MOB3B: variants seen among roughly 807,000 people sequenced by gnomAD.
MOB3B encodes the protein MOB kinase activator-like 2B.
MOB3B carries 7 observed loss-of-function variants against 18.7 expected under a neutral mutation model. That is an observed-to-expected ratio of 0.37 (90% CI 0.21 to 0.70). MOB3B has a LOEUF of 0.70. Among genes scored for constraint, MOB3B ranks in the 30% least tolerant of loss-of-function variants. The pLI, the probability that MOB3B is intolerant of heterozygous loss-of-function variation, is 0.52. For synonymous variants in MOB3B, 111 were observed against 99.9 expected (o/e 1.11, Z -0.66); for missense variants, 253 against 281.3 (o/e 0.90, Z 0.72).
At chr9:27,368,649 T>A (rs1306220205) in intron 2 of MOB3B, among the ~76,000 whole-genome samples, 2 of 152,134 alleles carry the variant, frequency 1.3e-5, no homozygotes, top group African/African-American at 2.4e-5. Flanking sequence ...GTTTTCCAAC[T>A]CCCTCCCTCT....
At chr9:27,511,561 A>T (rs1343494259) in intron 1 of MOB3B, among the ~76,000 whole-genome samples, 1 of 152,246 alleles carries the variant, frequency 6.6e-6, no homozygotes, top group Non-Finnish European at 1.5e-5. Context: ...CATCCTACCA[A>T]ATAGATTTCT....
intron 2 of MOB3B, among the ~76,000 whole-genome samples, chr9:27,373,564 C>T (rs1212782784): frequency 6.6e-6 from 1 of 152,182 alleles, no homozygotes; most frequent in East Asian, 1.9e-4. Context: ...TCTATTTTCC[C>T]ACTTTCTTCC....
At chr9:27,510,946 T>A (rs1410492162) in intron 1 of MOB3B, among the ~76,000 whole-genome samples, 1 of 152,100 alleles carries the variant, frequency 6.6e-6, no homozygotes, top group Non-Finnish European at 1.5e-5. Flanking sequence ...GCCACAGAAG[T>A]CAGAAATGAA....
intron 1 of MOB3B, among the ~76,000 whole-genome samples, chr9:27,470,124 A>AAAAAAAAAAAG (rs1554651386): frequency 6.6e-6 from 1 of 150,588 alleles, no homozygotes; most frequent in African/African-American, 2.4e-5. Flanking sequence ...GAAAAAAAAA[A>AAAAAAAAAAAG]AAAAGAAAAG....
chr9:27,423,398 CTTT>C (rs34788661), intron 2 of MOB3B, among the ~76,000 whole-genome samples: 28 of 141,936 alleles, frequency 2.0e-4, no homozygotes, highest in East Asian at 2.0e-4. Context: ...TGGCAATACT[CTTT>C]TTTTTTTTTT....
chr9:27,486,294 T>C (rs1343970070), intron 1 of MOB3B, among the ~76,000 whole-genome samples: 1 of 152,200 alleles, frequency 6.6e-6, no homozygotes, highest in Non-Finnish European at 1.5e-5. Flanking sequence ...AGAAGACCTG[T>C]GTGTAAACCT....
chr9:27,481,520 GTTTTTTTTTT>G (rs1224985717), intron 1 of MOB3B, among the ~76,000 whole-genome samples: 1 of 91,728 alleles, frequency 1.1e-5, no homozygotes, highest in Non-Finnish European at 2.3e-5. Context: ...TGTTTTTTTT[GTTTTTTTTTT>G]TTTTTGAGAC....
At chr9:27,500,715 A>G (rs910058511) in intron 1 of MOB3B, among the ~76,000 whole-genome samples, 1 of 152,220 alleles carries the variant, frequency 6.6e-6, no homozygotes, top group Non-Finnish European at 1.5e-5. Context: ...AAAACACCAA[A>G]AGCAATGGCA....
At chr9:27,459,018 C>CA (rs35371356) in intron 1 of MOB3B, among the ~76,000 whole-genome samples, 97 of 151,782 alleles carry the variant, frequency 6.4e-4, no homozygotes, top group African/African-American at 1.5e-3. Context: ...TAGGCCCCCC[C>CA]CCATGTTTAA....
At chr9:27,492,125 T>C (rs773789600) in intron 1 of MOB3B, among the ~76,000 whole-genome samples, 6 of 152,156 alleles carry the variant, frequency 3.9e-5, no homozygotes, top group Non-Finnish European at 8.8e-5. Context: ...TATTTGCACA[T>C]TGCTGTTTGT....
intron 2 of MOB3B, among the ~76,000 whole-genome samples, chr9:27,451,203 A>AT (rs937576948): frequency 7.3e-5 from 11 of 151,664 alleles, no homozygotes; most frequent in Admixed American, 1.3e-4. Context: ...AGGCAATAGA[A>AT]TTTTTTTTTA....
In MOB3B at chr9:27,327,118, C is replaced by T. The variant is rs919262721; in HGVS notation, c.*3469G>A. 1 of 152,264 alleles carries T rather than the reference C, an allele frequency of 6.6e-6. No individual in the cohort carries two copies. The highest frequency in any genetic ancestry group is 2.4e-5 in the African/African-American group (1 of 41,454). 9.4% of individuals were successfully genotyped at this position (152,264 alleles called of 1,614,324 possible). A position where few individuals can be genotyped will look rare whatever the true frequency, so the allele number is the denominator to read the frequency against. On this transcript the variant is annotated 3_prime_UTR_variant, in exon 4 of 4. Coordinates refer to ENST00000262244, the MANE Select transcript of MOB3B (RefSeq NM_024761.5). The stretch of plus-strand genomic sequence containing the variant: ...TGGAAACTTCCTTCTTCCCCTCCCT[C>T]CTGTTATATGGAAAGGGATGAATGC...
chr9:27,466,124 T>A (rs760676183), intron 1 of MOB3B, among the ~76,000 whole-genome samples: 3 of 152,214 alleles, frequency 2.0e-5, no homozygotes, highest in Non-Finnish European at 4.4e-5. Context: ...ACGCTCTGTT[T>A]CTCTTTTAAA....
intron 3 of MOB3B, among the ~76,000 whole-genome samples, chr9:27,343,090 A>C (rs1202251087): frequency 3.3e-5 from 5 of 152,024 alleles, no homozygotes; most frequent in African/African-American, 1.2e-4. Flanking sequence ...GTCGGTGTAG[A>C]AAGAAGTAGA....
At chr9:27,529,247 A>G (rs1215380889) in intron 1 of MOB3B, among the ~76,000 whole-genome samples, 2 of 150,228 alleles carry the variant, frequency 1.3e-5, no homozygotes, top group Non-Finnish European at 3.0e-5. Flanking sequence ...GGACGATCTT[A>G]TTGATTTATA....
intron 1 of MOB3B, among the ~76,000 whole-genome samples, chr9:27,518,159 C>A (rs577438517): frequency 3.9e-5 from 6 of 152,342 alleles, no homozygotes; most frequent in Non-Finnish European, 8.8e-5. Context: ...CTTATGACCA[C>A]ATGCAAGCTG....
At chr9:27,412,725 T>C (rs1300513295) in intron 2 of MOB3B, among the ~76,000 whole-genome samples, 1 of 152,204 alleles carries the variant, frequency 6.6e-6, no homozygotes, top group Non-Finnish European at 1.5e-5. Flanking sequence ...CATCTCAAGA[T>C]GAAAATGAAG....
intron 3 of MOB3B, among the ~76,000 whole-genome samples, chr9:27,347,748 T>C (rs1414318314): frequency 1.3e-5 from 2 of 152,192 alleles, no homozygotes; most frequent in African/African-American, 4.8e-5. Flanking sequence ...CACACTGTAT[T>C]TTTACTGTAC....
intron 1 of MOB3B, among the ~76,000 whole-genome samples, chr9:27,475,841 C>T (rs974603151): frequency 2.0e-5 from 3 of 152,210 alleles, no homozygotes; most frequent in African/African-American, 7.2e-5. Flanking sequence ...CTTGTCCACA[C>T]CACCAGATTC....
Sources: gnomAD v4.1 joint callset for allele counts (sites outside exome capture counted in the v4.1 genomes callset) on GRCh38, gnomAD v4.1.1 for gene constraint, MANE v1.5 for transcripts, NCBI Gene and HGNC (gene_info 2026-07-23, HGNC 2026-07-21) for gene names.